The following CACNA2D3 variants were observed in gnomAD, a reference collection of about 807,000 sequenced individuals.
CACNA2D3 encodes calcium voltage-gated channel auxiliary subunit alpha2delta 3.
In CACNA2D3, 60 loss-of-function variants were observed where a neutral mutation model predicts 160.6. That is an observed-to-expected ratio of 0.37 (90% CI 0.30 to 0.46). The LOEUF (loss-of-function observed/expected upper bound fraction) is 0.46, where lower values mean the gene tolerates loss of function less well. CACNA2D3 is among the 20% of genes least tolerant of loss of function. The pLI, the probability that CACNA2D3 is intolerant of heterozygous loss-of-function variation, is 1.00. For missense variants in CACNA2D3, 1,205 were observed against 1,365.0 expected, an observed-to-expected ratio of 0.88 and a Z score of 1.85; for synonymous variants, 558 against 492.9, an observed-to-expected ratio of 1.13 and a Z score of -1.75.
Position 55,039,959 on chromosome 3 carries a change from C to T in CACNA2D3, c.2987+21642C>T, listed in dbSNP as rs2107189462. On this transcript the variant is annotated intron_variant, in intron 35 of 37. Coordinates refer to ENST00000474759, the MANE Select transcript of CACNA2D3 (RefSeq NM_018398.3). The stretch of plus-strand genomic sequence containing the variant: ...TGTACCTTGTTTAAGTCTACTCTGG[C>T]TGCTGTTTAAAAAAAAAATACCGTA... Among the ~76,000 whole-genome samples, 2 of 151,538 alleles carry T rather than the reference C, an allele frequency of 1.3e-5. 1 individual carries two copies.
chr3:54,877,574 GTCCAT>G (rs1192918939), intron 18 of CACNA2D3, among the ~76,000 whole-genome samples: 2 of 152,166 alleles, frequency 1.3e-5, no homozygotes, highest in African/African-American at 4.8e-5. Flanking sequence ...TGGCTCCAGA[GTCCAT>G]TCCTTAACTA....
intron 4 of CACNA2D3, among the ~76,000 whole-genome samples, chr3:54,412,452 TGGTTAA>T (rs1410950435): frequency 6.6e-6 from 1 of 151,960 alleles, no homozygotes; most frequent in Admixed American, 6.6e-5. Context: ...CTTTGTCTTC[TGGTTAA>T]GGTTATCATT....
intron 34 of CACNA2D3, among the ~76,000 whole-genome samples, chr3:55,015,704 T>A (rs1052649444): frequency 1.3e-5 from 2 of 152,212 alleles, no homozygotes; most frequent in African/African-American, 4.8e-5. Flanking sequence ...ATAAAAAGTG[T>A]TGCCAAATTG....
At chr3:54,754,837 T>C (rs1363128962) in intron 12 of CACNA2D3, among the ~76,000 whole-genome samples, 1 of 152,110 alleles carries the variant, frequency 6.6e-6, no homozygotes, top group African/African-American at 2.4e-5. Flanking sequence ...CAAAGTTGTT[T>C]TAGGTGCAAG....
intron 13 of CACNA2D3, among the ~76,000 whole-genome samples, chr3:54,790,531 C>A (rs976154290): frequency 6.6e-6 from 1 of 152,156 alleles, no homozygotes; most frequent in Admixed American, 6.5e-5. Context: ...ATTTGTTTCA[C>A]AAACTTTAAA....
At chr3:54,971,130 T>TCTTTGTTTCTG (rs1702269239) in intron 29 of CACNA2D3, among the ~76,000 whole-genome samples, 1 of 149,168 alleles carries the variant, frequency 6.7e-6, no homozygotes, top group Non-Finnish European at 1.5e-5. Context: ...AAAAAGCCAG[T>TCTTTGTTTCTG]CAGCAAAGTT....
intron 27 of CACNA2D3, among the ~76,000 whole-genome samples, chr3:54,928,518 C>T (rs1382108637): frequency 1.3e-5 from 2 of 152,126 alleles, no homozygotes; most frequent in African/African-American, 4.8e-5. Flanking sequence ...CGGTTTGCAC[C>T]GTGCACTTCT....
intron 3 of CACNA2D3, among the ~76,000 whole-genome samples, chr3:54,350,300 G>T (rs533272251): frequency 1.3e-5 from 2 of 151,966 alleles, no homozygotes; most frequent in Non-Finnish European, 2.9e-5. Context: ...TTATTTAAAT[G>T]GATATTTCAG....
At chr3:54,595,282 TAGAC>T (rs1350263039) in intron 9 of CACNA2D3, among the ~76,000 whole-genome samples, 6 of 151,922 alleles carry the variant, frequency 3.9e-5, no homozygotes, top group African/African-American at 1.5e-4. Context: ...TGGCTGTACA[TAGAC>T]AGGTCTGCTG....
At chr3:54,165,403 A>G (rs1700432463) in intron 2 of CACNA2D3, among the ~76,000 whole-genome samples, 1 of 152,042 alleles carries the variant, frequency 6.6e-6, no homozygotes, top group East Asian at 1.9e-4. Context: ...GTGAGGACCC[A>G]GTGGAGCAGG....
intron 2 of CACNA2D3, among the ~76,000 whole-genome samples, chr3:54,172,404 T>C (rs2107312830): frequency 6.6e-6 from 1 of 152,236 alleles, no homozygotes. Flanking sequence ...AAATGTAAAC[T>C]CTCCCTAAAT....
At chr3:54,404,660 GC>G (rs1453596175) in intron 4 of CACNA2D3, among the ~76,000 whole-genome samples, 2 of 152,030 alleles carry the variant, frequency 1.3e-5, no homozygotes, top group Non-Finnish European at 2.9e-5. Flanking sequence ...GAAATAAAAA[GC>G]TTTCAGATGG....
intron 2 of CACNA2D3, among the ~76,000 whole-genome samples, chr3:54,219,790 T>G (rs1455573487): frequency 6.6e-6 from 1 of 152,174 alleles, no homozygotes; most frequent in East Asian, 1.9e-4. Context: ...TTTAGTCCTG[T>G]TGAAAGCTTG....
chr3:54,727,956 A>T (rs1404497511), intron 11 of CACNA2D3, among the ~76,000 whole-genome samples: 1 of 152,146 alleles, frequency 6.6e-6, no homozygotes, highest in Non-Finnish European at 1.5e-5. Context: ...ACTTCTTTTG[A>T]GAAGTTCAAT....
rs866805346 is a variant in CACNA2D3 at position 54,374,152 on chromosome 3, G to A, written c.322-12563G>A. Among the ~76,000 whole-genome samples, 13 of 152,328 alleles carry A rather than the reference G, an allele frequency of 8.5e-5. 1 individual carries two copies. The South Asian group carries it at 2.7e-3, about 32-fold the overall frequency. On this transcript the variant is annotated intron_variant, in intron 3 of 37. Coordinates refer to ENST00000474759, the MANE Select transcript of CACNA2D3 (RefSeq NM_018398.3). The stretch of plus-strand genomic sequence containing the variant: ...AGTTAGAAAAACTGAGGGAGTGAGG[G>A]TCAGGGAAACTGCTGTCTGAGTTGA...
At chr3:54,570,867 C>G (rs1022843313) in intron 8 of CACNA2D3, among the ~76,000 whole-genome samples, 2 of 152,048 alleles carry the variant, frequency 1.3e-5, no homozygotes, top group African/African-American at 4.8e-5. Flanking sequence ...AAGAGGCAAA[C>G]TCTGCAAAAT....
chr3:54,720,479 C>G (rs1481580811), intron 11 of CACNA2D3, among the ~76,000 whole-genome samples: 2 of 151,838 alleles, frequency 1.3e-5, no homozygotes, highest in Non-Finnish European at 2.9e-5. Context: ...TATGTCCATC[C>G]TTTCAAATAC....
At chr3:54,214,653 T>C (rs1577003348) in intron 2 of CACNA2D3, among the ~76,000 whole-genome samples, 1 of 152,198 alleles carries the variant, frequency 6.6e-6, no homozygotes, top group African/African-American at 2.4e-5. Context: ...AGTTAGGTGC[T>C]GAAGCATCCT....
At chr3:54,279,573 C>T (rs113215188) in intron 2 of CACNA2D3, among the ~76,000 whole-genome samples, 5 of 152,228 alleles carry the variant, frequency 3.3e-5, no homozygotes, top group Admixed American at 1.3e-4. Flanking sequence ...CTCCTTGTGG[C>T]GCAGGAAGGT....
Sources: gnomAD v4.1 joint callset for allele counts (sites outside exome capture counted in the v4.1 genomes callset) on GRCh38, gnomAD v4.1.1 for gene constraint, MANE v1.5 for transcripts, NCBI Gene and HGNC (gene_info 2026-07-23, HGNC 2026-07-21) for gene names.